Variants in RUNX1 observed in about 807,000 individuals in gnomAD.
RUNX1 encodes the protein RUNX family transcription factor 1, also known as runt-related transcription factor 1.
RUNX1 carries 19 observed loss-of-function variants against 42.8 expected under a neutral mutation model. That is an observed-to-expected ratio of 0.44 (90% CI 0.31 to 0.65). The LOEUF (loss-of-function observed/expected upper bound fraction) is 0.65, where lower values mean the gene tolerates loss of function less well. Ranked by LOEUF, RUNX1 falls within the 30% of genes least tolerant of loss-of-function variation. The pLI, the probability that RUNX1 is intolerant of heterozygous loss-of-function variation, is 0.07. For missense variants in RUNX1, 528 were observed against 672.0 expected, an observed-to-expected ratio of 0.79 and a Z score of 2.37; for synonymous variants, 271 against 289.4, an observed-to-expected ratio of 0.94 and a Z score of 0.64.
chr21:34,813,613 C>G (rs2056786645), intron 7 of RUNX1, among the ~76,000 whole-genome samples: 1 of 152,096 alleles, frequency 6.6e-6, no homozygotes, highest in African/African-American at 2.4e-5. Flanking sequence ...ATGTTGAGCC[C>G]TGGGTGAGCT....
intron 6 of RUNX1, among the ~76,000 whole-genome samples, chr21:34,847,636 G>A (rs1045296577): frequency 6.6e-6 from 1 of 152,150 alleles, no homozygotes; most frequent in Non-Finnish European, 1.5e-5. Flanking sequence ...AGATGACCCA[G>A]GGGAAGCTTC....
chr21:34,919,326 CT>C (rs1490909335), intron 2 of RUNX1, among the ~76,000 whole-genome samples: 1 of 152,164 alleles, frequency 6.6e-6, no homozygotes, highest in African/African-American at 2.4e-5. Flanking sequence ...GATCCCTGAT[CT>C]GGTGACCAGT....
intron 2 of RUNX1, among the ~76,000 whole-genome samples, chr21:35,036,848 G>A (rs1158659346): frequency 1.3e-5 from 2 of 152,194 alleles, no homozygotes; most frequent in African/African-American, 4.8e-5. Flanking sequence ...GGAATAAGTG[G>A]ATGAGAAGTG....
chr21:35,044,310 T>A (rs974822769), intron 2 of RUNX1, among the ~76,000 whole-genome samples: 1 of 152,204 alleles, frequency 6.6e-6, no homozygotes, highest in Admixed American at 6.5e-5. Context: ...GGGAGCCTCC[T>A]GTAATGTCCT....
intron 3 of RUNX1, chr21:34,889,832 C>T (rs998097763): frequency 1.4e-4 from 156 of 1,112,810 alleles, no homozygotes; most frequent in Non-Finnish European, 1.6e-4. Flanking sequence ...AGGCTGCTCC[C>T]GTCACCATGA....
intron 8 of RUNX1, among the ~76,000 whole-genome samples, chr21:34,796,894 A>T (rs2145897342): frequency 6.6e-6 from 1 of 152,340 alleles, no homozygotes; most frequent in East Asian, 1.9e-4. Flanking sequence ...AGAGAGACAG[A>T]CAGAGTCCAA....
chr21:34,980,987 C>T (rs536477292), intron 2 of RUNX1, among the ~76,000 whole-genome samples: 3 of 152,274 alleles, frequency 2.0e-5, no homozygotes, highest in Admixed American at 6.5e-5. Context: ...AAGACGTAGG[C>T]GGAAATTTAA....
In RUNX1 at chr21:35,006,675, T is replaced by A. The variant is rs564286156; in HGVS notation, c.58+42167A>T. Among the ~76,000 whole-genome samples the A allele has an allele frequency of 2.6e-5, 4 of 152,302 alleles. No individual in the cohort carries two copies. The South Asian group carries it at 8.3e-4, about 32-fold the overall frequency. ...GGGGTGCTCAGTACATGCTGGTCAA[T>A]ATTATCGTTATTAATATTTCCTTTG... On this transcript the variant is annotated intron_variant, in intron 2 of 8. Coordinates refer to ENST00000675419, the MANE Select transcript of RUNX1 (RefSeq NM_001754.5).
At chr21:34,927,299 C>G (rs886422570) in intron 2 of RUNX1, among the ~76,000 whole-genome samples, 1 of 152,170 alleles carries the variant, frequency 6.6e-6, no homozygotes, top group Non-Finnish European at 1.5e-5. Flanking sequence ...CTCCACGTAA[C>G]ACAGAATGCA....
Position 34,792,311 on chromosome 21 carries a change from G to GCAC in RUNX1, c.1266_1267insGTG (p.Glu422_Arg423insVal). The GCAC allele has an allele frequency of 1.3e-6, 2 of 1,539,286 alleles. No homozygotes were observed. Among genetic ancestry groups the GCAC allele is most frequent in the Non-Finnish European group, 1.7e-6 (2 of 1,143,644 alleles). ...GGCGGCAGGATGCGCGGCGGCGAGC[G>GCAC]CTCGCCGCCCACCATGGAGAACTGG... On this transcript the variant is annotated inframe_insertion, in exon 9 of 9. Transcript: ENST00000675419. This position sits in a 1 kb window ranked among gnomAD's most constrained non-coding sequence, Gnocchi z 6.9.
intron 7 of RUNX1, among the ~76,000 whole-genome samples, chr21:34,799,922 T>C (rs906848638): frequency 6.6e-6 from 1 of 152,220 alleles, no homozygotes; most frequent in African/African-American, 2.4e-5. Flanking sequence ...TTTGGGCTTT[T>C]TTTTTATACC....
chr21:34,791,929 A>AGAC lies in RUNX1; in HGVS notation c.*203_*205dup, dbSNP rs1404451454. 1 of 326,868 alleles carries AGAC rather than the reference A, an allele frequency of 3.1e-6. No homozygotes were observed. The highest frequency in any genetic ancestry group is 5.8e-6 in the Non-Finnish European group (1 of 173,416). 20.2% of individuals were successfully genotyped at this position (326,868 alleles called of 1,614,324 possible). On this transcript the variant is annotated 3_prime_UTR_variant, in exon 9 of 9. Transcript: ENST00000675419. ...CCTCCGCGAGGGCCGGGGCGCCAGC[A>AGAC]GACGGCGGCGGCGTGGGCTTCTGGG...
At chr21:34,889,769 T>A in intron 3 of RUNX1, 9 of 1,152,154 alleles carry the variant, frequency 7.8e-6, no homozygotes, top group Non-Finnish European at 9.7e-6. Flanking sequence ...CCGCCCCCGG[T>A]CCGGCGTGCG....
At chr21:34,855,186 G>A (rs989545779) in intron 6 of RUNX1, among the ~76,000 whole-genome samples, 6 of 151,994 alleles carry the variant, frequency 3.9e-5, no homozygotes, top group East Asian at 1.9e-4. Context: ...CCCCCAAGAC[G>A]GGTCAGTTAG....
intron 7 of RUNX1, among the ~76,000 whole-genome samples, chr21:34,818,129 G>A (rs1175585623): frequency 6.6e-6 from 1 of 152,204 alleles, no homozygotes; most frequent in East Asian, 1.9e-4. Context: ...GGCGCCCTCA[G>A]TGTGCAAAGA....
chr21:34,821,439 A>G (rs1391542964), intron 7 of RUNX1: 17 of 1,348,988 alleles, frequency 1.3e-5, no homozygotes, highest in Non-Finnish European at 1.3e-5. Context: ...CTGCAGGCTA[A>G]CTCATTTAAT....
chr21:34,999,929 A>G (rs2059027738), intron 2 of RUNX1, among the ~76,000 whole-genome samples: 2 of 152,222 alleles, frequency 1.3e-5, no homozygotes, highest in Non-Finnish European at 2.9e-5. Context: ...AGCTGGCTCT[A>G]CCTAGTGGTT....
intron 5 of RUNX1, among the ~76,000 whole-genome samples, chr21:34,870,956 CA>C (rs11318293): frequency 0.043 from 6,407 of 150,216 alleles, 398 homozygotes; most frequent in African/African-American, 0.15. Context: ...GACTCCATCT[CA>C]AAAAAAAACA....
chr21:34,959,109 G>C (rs2058665902), intron 2 of RUNX1, among the ~76,000 whole-genome samples: 1 of 151,590 alleles, frequency 6.6e-6, no homozygotes, highest in Non-Finnish European at 1.5e-5. Context: ...TAAATGACGA[G>C]TTAATGGGTG....
Sources: allele counts gnomAD v4.1 joint callset (sites outside exome capture counted in the v4.1 genomes callset), GRCh38; gene constraint gnomAD v4.1.1; non-coding constraint Gnocchi (gnomAD v3.1); transcripts MANE v1.5; gene names NCBI Gene and HGNC (gene_info 2026-07-23, HGNC 2026-07-21).